The following AUTS2 variants were observed in gnomAD, a reference collection of about 807,000 sequenced individuals.
The protein encoded by AUTS2 is activator of transcription and developmental regulator AUTS2.
Under a neutral mutation model 112.4 loss-of-function variants are expected in AUTS2, and 17 were observed. The observed-to-expected ratio is 0.15, with a 90% CI of 0.10 to 0.23. AUTS2 has a LOEUF of 0.23. Among genes scored for constraint, AUTS2 ranks in the 10% least tolerant of loss-of-function variants. The probability of loss-of-function intolerance (pLI) is 1.00; values close to 1 mark genes in which losing one functional copy is unlikely to be tolerated. For synonymous variants in AUTS2, 751 were observed against 702.7 expected, an observed-to-expected ratio of 1.07 and a Z score of -1.09; for missense variants, 1,510 against 1,701.6, an observed-to-expected ratio of 0.89 and a Z score of 1.98.
intron 2 of AUTS2, among the ~76,000 whole-genome samples, chr7:69,971,546 A>C (rs1041815381): frequency 4.6e-5 from 7 of 152,238 alleles, no homozygotes; most frequent in Non-Finnish European, 7.3e-5. Flanking sequence ...CAGTGAAAAT[A>C]CAGAACAACC....
chr7:70,351,430 C>T (rs1406210510), intron 4 of AUTS2, among the ~76,000 whole-genome samples: 1 of 152,180 alleles, frequency 6.6e-6, no homozygotes, highest in East Asian at 1.9e-4. Flanking sequence ...TTTATCTATT[C>T]ATCCATTGAT....
intron 5 of AUTS2, among the ~76,000 whole-genome samples, chr7:70,461,922 A>C (rs1796980245): frequency 6.6e-6 from 1 of 152,094 alleles, no homozygotes; most frequent in African/African-American, 2.4e-5. Flanking sequence ...TTCTCAAAAG[A>C]GTTGATTTGA....
At chr7:69,891,052 G>GT (rs1204283893) in intron 1 of AUTS2, among the ~76,000 whole-genome samples, 1 of 152,150 alleles carries the variant, frequency 6.6e-6, no homozygotes, top group African/African-American at 2.4e-5. Context: ...GTTTTGACAT[G>GT]TGTATATACC....
intron 1 of AUTS2, among the ~76,000 whole-genome samples, chr7:69,635,450 C>T (rs17140729): frequency 6.6e-6 from 1 of 152,294 alleles, no homozygotes; most frequent in Non-Finnish European, 1.5e-5. Flanking sequence ...TACATCATTA[C>T]AGTATCTGCG....
At chr7:70,410,908 G>T (rs1044478995) in intron 4 of AUTS2, among the ~76,000 whole-genome samples, 1 of 151,542 alleles carries the variant, frequency 6.6e-6, no homozygotes, top group South Asian at 2.1e-4. Context: ...TTGTCACCCA[G>T]GCTGGAGTGC....
intron 6 of AUTS2, among the ~76,000 whole-genome samples, chr7:70,761,987 G>T (rs1054091341): frequency 6.6e-6 from 1 of 152,090 alleles, no homozygotes; most frequent in Non-Finnish European, 1.5e-5. Context: ...ATCAGGTGAC[G>T]GGCATTAAGA....
At chr7:70,720,844 C>T (rs1281220062) in intron 6 of AUTS2, among the ~76,000 whole-genome samples, 2 of 152,062 alleles carry the variant, frequency 1.3e-5, no homozygotes. Flanking sequence ...TCAGATTTCT[C>T]TGGGTAGAAA....
chr7:70,206,304 C>A (rs1810571279), intron 4 of AUTS2, among the ~76,000 whole-genome samples: 1 of 152,196 alleles, frequency 6.6e-6, no homozygotes, highest in African/African-American at 2.4e-5. Context: ...AGGGTCAGGG[C>A]AGGCATGGAA....
chr7:70,056,936 A>G (rs1802019943), intron 2 of AUTS2, among the ~76,000 whole-genome samples: 1 of 152,220 alleles, frequency 6.6e-6, no homozygotes, highest in African/African-American at 2.4e-5. Context: ...CTAGGTTCCT[A>G]TGATTATAAT....
intron 5 of AUTS2, among the ~76,000 whole-genome samples, chr7:70,454,838 C>T (rs1480898628): frequency 2.0e-5 from 3 of 152,188 alleles, no homozygotes; most frequent in Non-Finnish European, 4.4e-5. Context: ...CTCTCTAGAA[C>T]CTCAGCAAGA....
At chr7:70,485,328 G>A (rs1354677804) in intron 5 of AUTS2, among the ~76,000 whole-genome samples, 1 of 152,144 alleles carries the variant, frequency 6.6e-6, no homozygotes, top group Admixed American at 6.5e-5. Context: ...CAGCACCATG[G>A]ATGGAGCTGG....
At chr7:70,160,422 A>C (rs974509876) in intron 4 of AUTS2, among the ~76,000 whole-genome samples, 2 of 152,208 alleles carry the variant, frequency 1.3e-5, no homozygotes, top group African/African-American at 4.8e-5. Flanking sequence ...CTTTGATGTC[A>C]GATTTCACCT....
intron 3 of AUTS2, among the ~76,000 whole-genome samples, chr7:70,129,197 C>G (rs1188024606): frequency 1.3e-5 from 2 of 152,098 alleles, no homozygotes; most frequent in African/African-American, 4.8e-5. Context: ...ACTCTAGTCT[C>G]AAGGCTGGCA....
intron 6 of AUTS2, among the ~76,000 whole-genome samples, chr7:70,734,746 C>T (rs1018446412): frequency 1.3e-5 from 2 of 152,096 alleles, no homozygotes; most frequent in African/African-American, 4.8e-5. Flanking sequence ...GTGATATCTG[C>T]CCTAAGTCAT....
intron 5 of AUTS2, among the ~76,000 whole-genome samples, chr7:70,562,088 G>A (rs942322439): frequency 1.6e-4 from 25 of 152,032 alleles, no homozygotes; most frequent in Non-Finnish European, 2.9e-5. Context: ...CTTCTGCCTC[G>A]AGTAAAACTC....
At chr7:70,191,317 G>A (rs776830434) in intron 4 of AUTS2, among the ~76,000 whole-genome samples, 17 of 151,704 alleles carry the variant, frequency 1.1e-4, no homozygotes, top group Admixed American at 7.2e-4. Context: ...ACAGGTGCTC[G>A]CCACCATGCC....
chr7:70,787,518 C>T lies in AUTS2; in HGVS notation c.2531+87C>T. On this transcript the variant is annotated intron_variant, in intron 18 of 18. Transcript: ENST00000342771. Reference sequence around the variant, plus strand: ...GGAACTGGCCGCCCACCCTCCCTGTCCCAGCCTCGTGCTTTAGCCGCCCCG... The same window carrying T: ...GGAACTGGCCGCCCACCCTCCCTGTTCCAGCCTCGTGCTTTAGCCGCCCCG... 4.0e-6 allele frequency: 4 copies of T among 991,616 alleles called. No homozygotes were observed. The South Asian group carries it at 6.7e-5, about 17-fold the overall frequency. 61.4% of individuals were successfully genotyped at this position (991,616 alleles called of 1,614,324 possible). A position where few individuals can be genotyped will look rare whatever the true frequency, so the allele number is the denominator to read the frequency against.
At chr7:70,304,716 A>ATTTT (rs1669783317) in intron 4 of AUTS2, among the ~76,000 whole-genome samples, 1 of 125,058 alleles carries the variant, frequency 8.0e-6, no homozygotes, top group African/African-American at 3.2e-5. Flanking sequence ...TGGATTTTTA[A>ATTTT]CTTTTTTTTT....
intron 1 of AUTS2, among the ~76,000 whole-genome samples, chr7:69,895,551 C>CA (rs931394465): frequency 6.8e-6 from 1 of 147,414 alleles, no homozygotes; most frequent in Non-Finnish European, 1.5e-5. Flanking sequence ...CTTCCCCCCC[C>CA]CCGAGTGGAA....
Sources: allele counts gnomAD v4.1 joint callset (sites outside exome capture counted in the v4.1 genomes callset), GRCh38; gene constraint gnomAD v4.1.1; transcripts MANE v1.5; gene names NCBI Gene and HGNC (gene_info 2026-07-23, HGNC 2026-07-21).